Variants in HTR4 observed in about 807,000 individuals in gnomAD.
HTR4 encodes the protein 5-hydroxytryptamine (serotonin) receptor 4, G protein-coupled.
Under a neutral mutation model 36.8 loss-of-function variants are expected in HTR4, and 16 were observed. The ratio of observed to expected loss-of-function variants is 0.43; its 90% CI spans 0.29 to 0.66. The LOEUF (loss-of-function observed/expected upper bound fraction) is 0.66. Among genes scored for constraint, HTR4 ranks in the 30% least tolerant of loss-of-function variants. The pLI is 0.13. For synonymous variants in HTR4, 189 were observed against 185.1 expected, an observed-to-expected ratio of 1.02 and a Z score of -0.17; for missense variants, 438 against 490.9, an observed-to-expected ratio of 0.89 and a Z score of 1.02.
At chr5:148,526,961 G>T (rs769896924) in intron 4 of HTR4, among the ~76,000 whole-genome samples, 2 of 152,090 alleles carry the variant, frequency 1.3e-5, no homozygotes, top group African/African-American at 2.4e-5. Context: ...TAGTGTTTGG[G>T]CAGCACAAGT....
chr5:148,458,569 G>A (rs1755184701), intron 5 of HTR4, among the ~76,000 whole-genome samples: 1 of 152,110 alleles, frequency 6.6e-6, no homozygotes, highest in Non-Finnish European at 1.5e-5. Context: ...CGGTTAGTGT[G>A]TCAGGGTTCT....
downstream of HTR4, chr5:148,481,447 G>A (rs1314848610): frequency 2.2e-6 from 2 of 898,072 alleles, no homozygotes; most frequent in Non-Finnish European, 3.4e-6. Flanking sequence ...CACGAATTCT[G>A]AATAGCATTT....
intron 5 of HTR4, among the ~76,000 whole-genome samples, chr5:148,470,686 T>C (rs1326187603): frequency 6.6e-6 from 1 of 152,220 alleles, no homozygotes; most frequent in African/African-American, 2.4e-5. Flanking sequence ...ACTCTTGCTC[T>C]AGAAGTAATT....
chr5:148,510,719 T>C (rs1757457374), intron 5 of HTR4, among the ~76,000 whole-genome samples: 1 of 152,368 alleles, frequency 6.6e-6, no homozygotes, highest in South Asian at 2.1e-4. Context: ...CTTTGGGGGA[T>C]GCCATGGGGC....
chr5:148,510,175 G>A, intron 5 of HTR4, 151 bp from the exon 6 acceptor site: 3 of 576,460 alleles, frequency 5.2e-6, no homozygotes, highest in East Asian at 2.9e-5. Flanking sequence ...AAGGGGAAGA[G>A]AACAAGGAAA....
intron 2 of HTR4, among the ~76,000 whole-genome samples, chr5:148,581,524 T>C (rs546859199): frequency 1.3e-5 from 2 of 152,218 alleles, no homozygotes; most frequent in African/African-American, 2.4e-5. Flanking sequence ...TTGTGTATGA[T>C]GAATGACACA....
intron 1 of HTR4, among the ~76,000 whole-genome samples, chr5:148,651,902 C>G (rs1331689172): frequency 6.6e-6 from 1 of 151,926 alleles, no homozygotes; most frequent in Non-Finnish European, 1.5e-5. Flanking sequence ...TCAGAGAATT[C>G]TAGCATTGAA....
intron 6 of HTR4, among the ~76,000 whole-genome samples, chr5:148,487,720 G>C (rs1279846127): frequency 6.6e-6 from 1 of 151,740 alleles, no homozygotes; most frequent in Non-Finnish European, 1.5e-5. Context: ...CGAGCTTAGA[G>C]ATAGAGACAG....
intron 4 of HTR4, among the ~76,000 whole-genome samples, chr5:148,530,956 G>A (rs946335915): frequency 6.6e-6 from 1 of 152,222 alleles, no homozygotes; most frequent in Non-Finnish European, 1.5e-5. Flanking sequence ...CATGGGGCCT[G>A]TAGCCCCTTT....
At chr5:148,511,619 T>TTGTGTGTGTGTGTG (rs529668445) in intron 5 of HTR4, among the ~76,000 whole-genome samples, 1,553 of 139,310 alleles carry the variant, frequency 0.011, 23 homozygotes, top group East Asian at 0.091. Flanking sequence ...TTGTGGAAGT[T>TTGTGTGTGTGTGTG]TGTGTGTGTG....
In HTR4 at chr5:148,520,840, G is replaced by T. The variant is rs915902131; in HGVS notation, c.507+2353C>A. The T allele has an allele frequency of 1.9e-5, 26 of 1,344,270 alleles. No homozygotes were observed. The African/African-American group carries it at 3.6e-4, about 18-fold the overall frequency. The allele number at this position is 1,344,270 out of a possible 1,614,324, so 83.3% of individuals were successfully genotyped here. A position where few individuals can be genotyped will look rare whatever the true frequency, so the allele number is the denominator to read the frequency against. ...ATAAATTGGATAGGATTCAAAAAAT[G>T]TCCATGCAGTTACACTTCTAATTCA... On this transcript the variant is annotated intron_variant, in intron 5 of 6. Coordinates refer to ENST00000377888, the MANE Select transcript of HTR4 (RefSeq NM_000870.7).
At chr5:148,526,480 C>T (rs566691185) in intron 4 of HTR4, among the ~76,000 whole-genome samples, 15 of 152,000 alleles carry the variant, frequency 9.9e-5, no homozygotes, top group Admixed American at 4.6e-4. Context: ...AATGAGGTGC[C>T]GAGATGTTGC....
downstream of HTR4, chr5:148,476,868 C>T (rs1755714694): frequency 1.4e-6 from 2 of 1,469,904 alleles, no homozygotes. Flanking sequence ...CTCATGCAGT[C>T]CTGGAGGCTG....
intron 2 of HTR4, among the ~76,000 whole-genome samples, chr5:148,598,354 T>C (rs1411060356): frequency 6.6e-6 from 1 of 151,902 alleles, no homozygotes; most frequent in East Asian, 1.9e-4. Context: ...AGACCAGCCT[T>C]GTCAACATGG....
chr5:148,605,602 C>T (rs958446494), intron 2 of HTR4, among the ~76,000 whole-genome samples: 4 of 152,158 alleles, frequency 2.6e-5, no homozygotes, highest in Middle Eastern at 3.4e-3. Flanking sequence ...TAGATCTTCA[C>T]GTTCCGCAGT....
At position 148,654,429 on chromosome 5, in the gene HTR4, A is replaced by C; in HGVS notation, c.-415T>G. 1 of 985,416 alleles carries C rather than the reference A, an allele frequency of 1.0e-6. No homozygotes were observed. The highest frequency in any genetic ancestry group is 1.2e-6 in the Non-Finnish European group (1 of 829,964). The allele number at this position is 985,416 out of a possible 1,614,324, so 61.0% of individuals were successfully genotyped here. Reference sequence around the variant, plus strand: ...ACAGCGGGGGTGCCGCTCTGCCGGCAGGGCGCACAGGGGAGTGGGCACAGA... The same window carrying C: ...ACAGCGGGGGTGCCGCTCTGCCGGCCGGGCGCACAGGGGAGTGGGCACAGA... On this transcript the variant is annotated 5_prime_UTR_variant, in exon 1 of 7. Transcript: ENST00000377888.
At chr5:148,532,787 C>T (rs1758636218) in intron 4 of HTR4, among the ~76,000 whole-genome samples, 1 of 152,214 alleles carries the variant, frequency 6.6e-6, no homozygotes, top group South Asian at 2.1e-4. Context: ...CTGACTGGGG[C>T]ACGTCTCAGA....
At position 148,564,837 on chromosome 5, in the gene HTR4, T is replaced by C. The variant is rs1038523609; in HGVS notation, c.27-14575A>G. Among the ~76,000 whole-genome samples the C allele has an allele frequency of 3.9e-5, 6 of 152,088 alleles. 1 individual carries two copies. Among genetic ancestry groups the C allele is most frequent in the African/African-American group, 1.2e-4 (5 of 41,434 alleles). ...ATAAAGATTAATAAATTTGGCCCGA[T>C]GTGGTGGCTCACGCCTGTAATCCCA... On this transcript the variant is annotated intron_variant, in intron 2 of 6. Transcript: ENST00000377888.
intron 2 of HTR4, among the ~76,000 whole-genome samples, chr5:148,557,909 T>G (rs1760027189): frequency 1.3e-5 from 2 of 151,760 alleles, no homozygotes; most frequent in Non-Finnish European, 2.9e-5. Context: ...CTTTATATTT[T>G]TATGTATCGA....
Sources: gnomAD v4.1 joint callset for allele counts (sites outside exome capture counted in the v4.1 genomes callset) on GRCh38, gnomAD v4.1.1 for gene constraint, MANE v1.5 for transcripts, NCBI Gene and HGNC (gene_info 2026-07-23, HGNC 2026-07-21) for gene names.